The following DMRT1 variants were observed in gnomAD, a reference collection of about 807,000 sequenced individuals.
DMRT1 encodes the protein doublesex- and mab-3-related transcription factor 1.
In DMRT1, 7 loss-of-function variants were observed where a neutral mutation model predicts 32.3. That is an observed-to-expected ratio of 0.22 (90% confidence interval 0.12 to 0.41). The LOEUF (loss-of-function observed/expected upper bound fraction) is 0.41. DMRT1 is among the 10% of genes least tolerant of loss of function. The probability of loss-of-function intolerance (pLI) is 1.00; values close to 1 mark genes in which losing one functional copy is unlikely to be tolerated. For missense variants in DMRT1, 625 were observed against 500.5 expected (o/e 1.25, Z -2.37); for synonymous variants, 278 against 206.1 (o/e 1.35, Z -2.99).
At chr9:924,973 G>A (rs929832515) in intron 4 of DMRT1, among the ~76,000 whole-genome samples, 3 of 152,128 alleles carry the variant, frequency 2.0e-5, no homozygotes, top group Non-Finnish European at 4.4e-5. Flanking sequence ...GGCTCCTAAC[G>A]TGTCCTCTGT....
At chr9:964,523 C>T (rs940607571) in intron 4 of DMRT1, among the ~76,000 whole-genome samples, 7 of 152,024 alleles carry the variant, frequency 4.6e-5, no homozygotes, top group African/African-American at 1.7e-4. Context: ...CCTTACTTTT[C>T]AGTCTCTGCT....
intron 2 of DMRT1, among the ~76,000 whole-genome samples, chr9:849,573 G>T (rs892227355): frequency 2.6e-5 from 4 of 152,328 alleles, no homozygotes; most frequent in African/African-American, 9.6e-5. Flanking sequence ...TCAGAGTGGT[G>T]ATAGGGAAAG....
chr9:907,126 C>T (rs1161300726), intron 3 of DMRT1, among the ~76,000 whole-genome samples: 1 of 152,170 alleles, frequency 6.6e-6, no homozygotes, highest in Non-Finnish European at 1.5e-5. Flanking sequence ...ACACACACCC[C>T]AGTCTTAAGA....
intron 2 of DMRT1, among the ~76,000 whole-genome samples, chr9:851,873 C>T (rs1311221815): frequency 6.6e-6 from 1 of 151,130 alleles, no homozygotes; most frequent in Non-Finnish European, 1.5e-5. Flanking sequence ...AAGAAATAGT[C>T]TTTTGAAGAA....
At position 968,214 on chromosome 9, in the gene DMRT1, T is replaced by C; in HGVS notation, c.*75T>C. 6.5e-7 allele frequency: 1 copy of C among 1,548,036 alleles called. No homozygotes were observed. The highest frequency in any genetic ancestry group is 8.8e-7 in the Non-Finnish European group (1 of 1,132,838). On this transcript the variant is annotated 3_prime_UTR_variant, in exon 5 of 5. Transcript: ENST00000382276. ...ACTTTCCATGGGGTTTGTTAATATT[T>C]TGCATTGACTCATACTATCTTAACT...
intron 2 of DMRT1, among the ~76,000 whole-genome samples, chr9:872,247 G>C: frequency 6.6e-6 from 1 of 151,738 alleles, no homozygotes; most frequent in Non-Finnish European, 1.5e-5. Context: ...ATTTTTAGTA[G>C]AGATAGGGTT....
At position 858,866 on chromosome 9, in the gene DMRT1, A is replaced by T. The variant is rs1445622936; in HGVS notation, c.538+11723A>T. Among the ~76,000 whole-genome samples the T allele has an allele frequency of 5.1e-3, 117 of 23,152 alleles. 1 individual carries two copies. In the East Asian group the frequency reaches 0.089, roughly 18 times the overall value. The allele number at this position is 23,152 out of a possible 152,430, so 15.2% of individuals were successfully genotyped here. A position where few individuals can be genotyped will look rare whatever the true frequency, so the allele number is the denominator to read the frequency against. On this transcript the variant is annotated intron_variant, in intron 2 of 4. Transcript: ENST00000382276. Reference sequence around the variant, plus strand: ...TCCAGTCTGTCTCAAAAAAAAAAAAAAAAAATATATATATATATATATATA... The same window carrying T: ...TCCAGTCTGTCTCAAAAAAAAAAAATAAAAATATATATATATATATATATA...
chr9:956,104 A>G (rs557734499), intron 4 of DMRT1, among the ~76,000 whole-genome samples: 1 of 152,354 alleles, frequency 6.6e-6, no homozygotes, highest in African/African-American at 2.4e-5. Flanking sequence ...AAGGAAGGAA[A>G]TTCTGATGTA....
chr9:897,405 T>C (rs1383768380), intron 3 of DMRT1, among the ~76,000 whole-genome samples: 1 of 151,874 alleles, frequency 6.6e-6, no homozygotes, highest in Non-Finnish European at 1.5e-5. Context: ...CGTGAGGGAA[T>C]CATACTATTT....
At chr9:929,134 C>T (rs993082276) in intron 4 of DMRT1, among the ~76,000 whole-genome samples, 6 of 152,154 alleles carry the variant, frequency 3.9e-5, no homozygotes, top group Admixed American at 1.3e-4. Flanking sequence ...CCACCACTCC[C>T]GGCTTAAATT....
At chr9:946,444 G>A (rs1050611178) in intron 4 of DMRT1, among the ~76,000 whole-genome samples, 2 of 152,072 alleles carry the variant, frequency 1.3e-5, no homozygotes, top group Non-Finnish European at 2.9e-5. Flanking sequence ...AGTGCCTGAA[G>A]TGCCAGGTAA....
intron 3 of DMRT1, among the ~76,000 whole-genome samples, chr9:907,040 CTT>C (rs1817800687): frequency 6.6e-6 from 1 of 152,062 alleles, no homozygotes. Flanking sequence ...TTTGGTTAAT[CTT>C]ATCGTCAGTA....
intron 4 of DMRT1, among the ~76,000 whole-genome samples, chr9:945,163 C>CT (rs1190808529): frequency 4.6e-5 from 7 of 151,752 alleles, no homozygotes; most frequent in Admixed American, 2.0e-4. Flanking sequence ...TTCTTTCTTT[C>CT]TTTTTTTTGA....
intron 2 of DMRT1, among the ~76,000 whole-genome samples, chr9:873,387 C>T (rs1589482257): frequency 6.6e-6 from 1 of 151,690 alleles, no homozygotes; most frequent in South Asian, 2.1e-4. Flanking sequence ...CTCACCATAA[C>T]CTCCACCTCC....
chr9:855,175 A>G (rs976862601), intron 2 of DMRT1, among the ~76,000 whole-genome samples: 37 of 152,132 alleles, frequency 2.4e-4, no homozygotes, highest in African/African-American at 8.0e-4. Flanking sequence ...GGTCAGATAG[A>G]AACTTTCTGT....
intron 2 of DMRT1, among the ~76,000 whole-genome samples, chr9:849,786 G>C (rs932816641): frequency 6.6e-4 from 66 of 100,166 alleles, no homozygotes; most frequent in Non-Finnish European, 1.4e-3. Context: ...GTATGGCTCC[G>C]GGAGCCTTTA....
At chr9:862,876 T>G (rs1311989931) in intron 2 of DMRT1, among the ~76,000 whole-genome samples, 7 of 152,092 alleles carry the variant, frequency 4.6e-5, no homozygotes, top group Non-Finnish European at 4.4e-5. Flanking sequence ...AAAAGATGCC[T>G]GTGCCCTAAT....
rs138772088 is a variant in DMRT1 at position 864,789 on chromosome 9, C to T, written c.538+17646C>T. Among the ~76,000 whole-genome samples, 596 of 152,252 alleles carry T rather than the reference C, an allele frequency of 3.9e-3. 3 individuals are homozygous for T. Among genetic ancestry groups the T allele is most frequent in the African/African-American group, 0.013 (520 of 41,540 alleles). ...TGCTGGGATTACAGGCGTGAGCCAC[C>T]GTGCCCGCCAGCCAGTATTCTTTTA... On this transcript the variant is annotated intron_variant, in intron 2 of 4. Transcript: ENST00000382276.
intron 4 of DMRT1, among the ~76,000 whole-genome samples, chr9:917,692 A>G (rs538823191): frequency 6.6e-6 from 1 of 152,362 alleles, no homozygotes; most frequent in Non-Finnish European, 1.5e-5. Context: ...ATAAAAGGAT[A>G]TGTTCATTTT....
Sources: allele counts gnomAD v4.1 joint callset (sites outside exome capture counted in the v4.1 genomes callset), GRCh38; gene constraint gnomAD v4.1.1; transcripts MANE v1.5; gene names NCBI Gene and HGNC (gene_info 2026-07-23, HGNC 2026-07-21).